The following ZNF407 variants were observed in gnomAD, a reference collection of about 807,000 sequenced individuals.
The protein encoded by ZNF407 is zinc finger protein 407.
In ZNF407, 17 loss-of-function variants were observed where a neutral mutation model predicts 131.2. That is an observed-to-expected ratio of 0.13 (90% CI 0.09 to 0.19). The LOEUF is 0.19. Ranked by LOEUF, ZNF407 falls within the 10% of genes least tolerant of loss-of-function variation. The probability of loss-of-function intolerance (pLI) is 1.00; values close to 1 mark genes in which losing one functional copy is unlikely to be tolerated. For missense variants in ZNF407, 2,681 were observed against 2,830.6 expected (o/e 0.95, Z 1.20); for synonymous variants, 1,156 against 1,062.0 (o/e 1.09, Z -1.72).
chr18:75,049,086 ATT>A (rs79781750), intron 8 of ZNF407, among the ~76,000 whole-genome samples: 5 of 10,986 alleles, frequency 4.6e-4, no homozygotes, highest in African/African-American at 5.3e-4. Context: ...GGCCGGTAGT[ATT>A]TTTTTTTTTT....
intron 3 of ZNF407, among the ~76,000 whole-genome samples, chr18:74,715,719 T>C (rs569612052): frequency 2.0e-5 from 3 of 152,330 alleles, no homozygotes; most frequent in African/African-American, 7.2e-5. Flanking sequence ...TAGTTTTCTG[T>C]TTTTGGAACT....
At chr18:74,638,330 C>T (rs1984553621) in intron 2 of ZNF407, among the ~76,000 whole-genome samples, 1 of 152,050 alleles carries the variant, frequency 6.6e-6, no homozygotes, top group South Asian at 2.1e-4. Flanking sequence ...TTAGTTGGCT[C>T]TTGGTATATC....
At chr18:74,655,320 A>G (rs1985404009) in intron 3 of ZNF407, among the ~76,000 whole-genome samples, 1 of 152,000 alleles carries the variant, frequency 6.6e-6, no homozygotes, top group African/African-American at 2.4e-5. Flanking sequence ...ATTAGTATAT[A>G]TGTCCTTCAC....
intron 8 of ZNF407, among the ~76,000 whole-genome samples, chr18:75,009,034 C>T (rs1972943770): frequency 1.3e-5 from 2 of 152,158 alleles, no homozygotes; most frequent in Non-Finnish European, 1.5e-5. Context: ...TACAGCATTT[C>T]TATTCTGTTT....
intron 1 of ZNF407, among the ~76,000 whole-genome samples, chr18:74,626,603 T>C (rs1181733727): frequency 1.3e-5 from 2 of 152,216 alleles, no homozygotes; most frequent in African/African-American, 4.8e-5. Context: ...ACTAAGAATA[T>C]TCATAGCAGC....
rs574589043 is a variant in ZNF407 at position 74,688,329 on chromosome 18, C to T, written c.4802+47207C>T. 2.6e-5 allele frequency among the ~76,000 whole-genome samples: 4 copies of T among 152,260 alleles called. 1 individual carries two copies. Among genetic ancestry groups the T allele is most frequent in the Admixed American group, 2.0e-4 (3 of 15,296 alleles). On this transcript the variant is annotated intron_variant, in intron 3 of 8. Transcript: ENST00000299687. ...AAAAGTACATAATCAAATATAGATG[C>T]AAAGTATAAGATATCTCTCTGGATG... is the stretch of plus-strand genomic sequence containing the variant.
chr18:74,878,020 T>A (rs75567477), intron 5 of ZNF407, among the ~76,000 whole-genome samples: 4 of 152,310 alleles, frequency 2.6e-5, no homozygotes, highest in African/African-American at 9.6e-5. Flanking sequence ...TTCCGCTAAT[T>A]GGTATGTGGA....
intron 3 of ZNF407, among the ~76,000 whole-genome samples, chr18:74,738,610 G>C (rs1171889574): frequency 1.3e-5 from 2 of 151,622 alleles, no homozygotes; most frequent in Non-Finnish European, 2.9e-5. Context: ...GTGGTGGTGT[G>C]CTCCTGTAGT....
At chr18:74,902,277 C>G (rs1971536481) in intron 7 of ZNF407, among the ~76,000 whole-genome samples, 1 of 152,204 alleles carries the variant, frequency 6.6e-6, no homozygotes, top group African/African-American at 2.4e-5. Flanking sequence ...GTTCAACACT[C>G]CAGCTGACAT....
intron 8 of ZNF407, among the ~76,000 whole-genome samples, chr18:74,933,771 T>C (rs1295575849): frequency 6.6e-6 from 1 of 152,160 alleles, no homozygotes; most frequent in African/African-American, 2.4e-5. Flanking sequence ...CCTTCTGAAA[T>C]TTAATGGACT....
At chr18:74,914,584 C>T (rs1475327987) in intron 7 of ZNF407, among the ~76,000 whole-genome samples, 6 of 152,176 alleles carry the variant, frequency 3.9e-5, no homozygotes, top group African/African-American at 1.4e-4. Context: ...AGATTACATT[C>T]AGTCCTTTGG....
intron 3 of ZNF407, among the ~76,000 whole-genome samples, chr18:74,660,196 G>C (rs1599048351): frequency 6.6e-6 from 1 of 152,064 alleles, no homozygotes; most frequent in Non-Finnish European, 1.5e-5. Flanking sequence ...AAGGAAATTT[G>C]TTGCTTAACA....
intron 3 of ZNF407, among the ~76,000 whole-genome samples, chr18:74,722,347 C>T (rs985836985): frequency 6.6e-6 from 1 of 152,074 alleles, no homozygotes; most frequent in African/African-American, 2.4e-5. Flanking sequence ...ATAATTTTTG[C>T]GTGGAGATCC....
At chr18:74,978,017 A>G (rs1368718316) in intron 8 of ZNF407, among the ~76,000 whole-genome samples, 1 of 152,100 alleles carries the variant, frequency 6.6e-6, no homozygotes, top group African/African-American at 2.4e-5. Flanking sequence ...AGATTTATCT[A>G]TTTTTTTCTG....
chr18:74,786,059 C>A (rs1969705770), intron 4 of ZNF407, among the ~76,000 whole-genome samples: 2 of 152,322 alleles, frequency 1.3e-5, no homozygotes, highest in Non-Finnish European at 2.9e-5. Context: ...TATTGGGGAA[C>A]AGATTAAATT....
At chr18:75,017,879 G>A (rs1973063479) in intron 8 of ZNF407, among the ~76,000 whole-genome samples, 1 of 152,088 alleles carries the variant, frequency 6.6e-6, no homozygotes, top group Non-Finnish European at 1.5e-5. Flanking sequence ...TCCAGTGGTG[G>A]GCACCTGCCC....
chr18:75,064,449 G>T lies in ZNF407; in HGVS notation c.6728G>T (p.Ser2243Ile), dbSNP rs964107479. The T allele has an allele frequency of 1.3e-5, 19 of 1,497,032 alleles. No individual in the cohort carries two copies. Among genetic ancestry groups the T allele is most frequent in the Non-Finnish European group, 1.6e-5 (18 of 1,120,926 alleles). 92.7% of individuals were successfully genotyped at this position (1,497,032 alleles called of 1,614,324 possible). ...GCAATTCAGAGCCAAAGAGAAAGCAGCGAACTCCAGGAAGCATGAGACGCG... is the reference window on the plus strand; with the variant it reads ...GCAATTCAGAGCCAAAGAGAAAGCATCGAACTCCAGGAAGCATGAGACGCG... ...AAAIQSQRESSELQEA is the reference protein window; with the variant it reads ...AAAIQSQRESIELQEA The change falls in exon 9 of 9, where the codon AGC becomes ATC. Residue 2243 changes from serine to isoleucine, a missense_variant. By Grantham distance (142) the Ser-to-Ile change is moderately radical. Coordinates refer to ENST00000299687, the MANE Select transcript of ZNF407 (RefSeq NM_017757.3).
At position 74,774,029 on chromosome 18, in the gene ZNF407, G is replaced by T. The variant is rs1015158163; in HGVS notation, c.4803-7399G>T. On this transcript the variant is annotated intron_variant, in intron 3 of 8. Coordinates refer to ENST00000299687, the MANE Select transcript of ZNF407 (RefSeq NM_017757.3). ...AATAAGGAAGAACCCAACAGTAAGA[G>T]AAGTGATGTCAAATAAACATAGTAG... Among the ~76,000 whole-genome samples the T allele has an allele frequency of 3.3e-5, 5 of 152,342 alleles. No homozygotes were observed. In the East Asian group the frequency reaches 9.6e-4, roughly 29 times the overall value.
At chr18:74,807,522 C>T (rs1438806231) in intron 4 of ZNF407, among the ~76,000 whole-genome samples, 1 of 152,132 alleles carries the variant, frequency 6.6e-6, no homozygotes, top group Non-Finnish European at 1.5e-5. Context: ...TTCTGTATCC[C>T]CTGCCCCAGT....
Sources: gnomAD v4.1 joint callset for allele counts (sites outside exome capture counted in the v4.1 genomes callset) on GRCh38, gnomAD v4.1.1 for gene constraint, MANE v1.5 for transcripts, NCBI Gene and HGNC (gene_info 2026-07-23, HGNC 2026-07-21) for gene names.